Variants in TFG observed in about 807,000 individuals in gnomAD.
The protein encoded by TFG is trafficking from ER to golgi regulator, also known as protein TFG.
TFG carries 22 observed loss-of-function variants against 51.4 expected under a neutral mutation model. The ratio of observed to expected loss-of-function variants is 0.43; its 90% confidence interval spans 0.31 to 0.61. TFG has a LOEUF of 0.61. TFG is among the 20% of genes least tolerant of loss of function. The pLI, the probability that TFG is intolerant of heterozygous loss-of-function variation, is 0.12. For missense variants in TFG, 419 were observed against 487.7 expected, an observed-to-expected ratio of 0.86 and a Z score of 1.33; for synonymous variants, 187 against 165.6, an observed-to-expected ratio of 1.13 and a Z score of -0.99.
intron 3 of TFG, 95 bp downstream of exon 3, chr3:100,720,153 A>G (rs1379013112): frequency 5.8e-6 from 4 of 686,054 alleles, no homozygotes; most frequent in Non-Finnish European, 7.2e-6. Flanking sequence ...GTAAGCAATA[A>G]CTTATTCAAA....
chr3:100,735,007 G>T (rs77976480), intron 5 of TFG, among the ~76,000 whole-genome samples: 4,533 of 152,084 alleles, frequency 0.03, 185 homozygotes, highest in African/African-American at 0.092. Context: ...TTACAAACAT[G>T]GAATGAATAT....
intron 5 of TFG, among the ~76,000 whole-genome samples, chr3:100,734,893 CTG>C (rs1362405859): frequency 6.6e-6 from 1 of 152,112 alleles, no homozygotes; most frequent in Admixed American, 6.5e-5. Flanking sequence ...GTAGGAAAAA[CTG>C]TATGCATAGC....
intron 2 of TFG, among the ~76,000 whole-genome samples, chr3:100,715,522 C>G (rs977696715): frequency 4.6e-5 from 7 of 152,182 alleles, no homozygotes; most frequent in African/African-American, 1.7e-4. Flanking sequence ...CACTGGTGAT[C>G]AGTTAAATTG....
At chr3:100,746,087 A>G (rs2095134068) in intron 7 of TFG, among the ~76,000 whole-genome samples, 1 of 152,238 alleles carries the variant, frequency 6.6e-6, no homozygotes, top group Admixed American at 6.5e-5. Context: ...TATAAAATAC[A>G]TAGAACTTAA....
Position 100,733,812 on chromosome 3 carries a change from C to T in TFG, c.580+1140C>T, listed in dbSNP as rs561074805. ...TTAACATAAATAACAAACAGAAAAG[C>T]GCTCTCTAAAAGAAAAAGGTATTTG... On this transcript the variant is annotated intron_variant, in intron 5 of 7. Transcript: ENST00000240851. Among the ~76,000 whole-genome samples, 11 of 152,178 alleles carry T rather than the reference C, an allele frequency of 7.2e-5. No homozygotes were observed. In the South Asian group the frequency reaches 2.1e-3, roughly 29 times the overall value.
At chr3:100,734,134 T>G (rs2095099733) in intron 5 of TFG, among the ~76,000 whole-genome samples, 1 of 152,102 alleles carries the variant, frequency 6.6e-6, no homozygotes, top group Non-Finnish European at 1.5e-5. Context: ...TTGTGATAGT[T>G]TTTGCAAGAA....
At chr3:100,743,822 C>T (rs1434917704) in intron 6 of TFG, 2 of 151,010 alleles carry the variant, frequency 1.3e-5, no homozygotes, top group Non-Finnish European at 2.9e-5. Context: ...TTTCTCACTT[C>T]AGCAGTAAGT....
intron 4 of TFG, among the ~76,000 whole-genome samples, chr3:100,732,227 C>T (rs2095093595): frequency 6.6e-6 from 1 of 152,024 alleles, no homozygotes. Context: ...TATCAAGGAG[C>T]TTGTATTTTT....
intron 6 of TFG, chr3:100,743,702 C>T (rs2095127637): frequency 1.3e-5 from 2 of 152,044 alleles, no homozygotes; most frequent in South Asian, 2.1e-4. Context: ...ACGTATAGGG[C>T]TGAGCAGCTG....
chr3:100,711,334 C>T (rs112446290), intron 1 of TFG, among the ~76,000 whole-genome samples: 4,530 of 152,244 alleles, frequency 0.03, 183 homozygotes, highest in African/African-American at 0.092. Flanking sequence ...GACTCCTGAC[C>T]TCGTGATCTG....
intron 6 of TFG, among the ~76,000 whole-genome samples, chr3:100,738,814 G>GT (rs1184831763): frequency 1.3e-5 from 2 of 152,132 alleles, no homozygotes; most frequent in Non-Finnish European, 2.9e-5. Flanking sequence ...GCCACATGTA[G>GT]TTTTTCTATT....
Position 100,748,817 on chromosome 3 carries a change from G to T in TFG, c.*286G>T. The T allele has an allele frequency of 3.0e-6, 1 of 334,934 alleles. No individual in the cohort carries two copies. Among genetic ancestry groups the T allele is most frequent in the Admixed American group, 4.4e-5 (1 of 22,924 alleles). 20.7% of individuals were successfully genotyped at this position (334,934 alleles called of 1,614,324 possible). On this transcript the variant is annotated 3_prime_UTR_variant, in exon 8 of 8. Transcript: ENST00000240851. ...GACTTTCTAGCTTCCCTTGTCCGGA[G>T]GATATTAAAATGCTAGGGTGAGGTT... is the stretch of plus-strand genomic sequence containing the variant.
intron 6 of TFG, among the ~76,000 whole-genome samples, chr3:100,741,618 C>T (rs1378375527): frequency 1.3e-5 from 2 of 152,072 alleles, no homozygotes; most frequent in Admixed American, 6.6e-5. Context: ...AAGTGTATAG[C>T]GTTTGTAAAC....
chr3:100,715,789 T>C (rs991520745), intron 2 of TFG, among the ~76,000 whole-genome samples: 2 of 151,972 alleles, frequency 1.3e-5, no homozygotes, highest in African/African-American at 4.8e-5. Context: ...GGCATGATTA[T>C]AGCTCATCAT....
At chr3:100,709,351 G>A (rs141024756), upstream of TFG, 1 of 152,374 alleles carries the variant, frequency 6.6e-6, no homozygotes, top group South Asian at 2.1e-4. Context: ...CCGTCATCCA[G>A]TGAGAAAGCA....
chr3:100,739,104 A>G (rs1481679947), intron 6 of TFG, among the ~76,000 whole-genome samples: 3 of 152,194 alleles, frequency 2.0e-5, no homozygotes, highest in African/African-American at 4.8e-5. Flanking sequence ...AGCATGAATT[A>G]TAGGCTACTT....
In TFG at chr3:100,741,426, T is replaced by C. The variant is rs150435581; in HGVS notation, c.722-3407T>C. ...AAGTAAAAATTTAAAATTAAAAGAATAGAAAAATGCTTATAGAATAAGGAT... is the reference window on the plus strand; with the variant it reads ...AAGTAAAAATTTAAAATTAAAAGAACAGAAAAATGCTTATAGAATAAGGAT... On this transcript the variant is annotated intron_variant, in intron 6 of 7. Transcript: ENST00000240851. Among the ~76,000 whole-genome samples, 721 of 152,244 alleles carry C rather than the reference T, an allele frequency of 4.7e-3. 9 individuals carry two copies. Among genetic ancestry groups the C allele is most frequent in the African/African-American group, 0.017 (687 of 41,556 alleles).
chr3:100,721,288 A>G (rs895979083), intron 3 of TFG, among the ~76,000 whole-genome samples: 4 of 152,226 alleles, frequency 2.6e-5, no homozygotes, highest in East Asian at 1.9e-4. Flanking sequence ...ACAAAAAAGT[A>G]GAGGGAACTA....
At chr3:100,733,402 G>A (rs1393066871) in intron 5 of TFG, among the ~76,000 whole-genome samples, 1 of 152,078 alleles carries the variant, frequency 6.6e-6, no homozygotes, top group African/African-American at 2.4e-5. Flanking sequence ...TGTGCTTTCA[G>A]CTCTAGAATT....
Sources: gnomAD v4.1 joint callset for allele counts (sites outside exome capture counted in the v4.1 genomes callset) on GRCh38, gnomAD v4.1.1 for gene constraint, MANE v1.5 for transcripts, NCBI Gene and HGNC (gene_info 2026-07-23, HGNC 2026-07-21) for gene names.